The following CNTN3 variants were observed in gnomAD, a reference collection of about 807,000 sequenced individuals.
The protein encoded by CNTN3 is contactin-3.
CNTN3 carries 60 observed loss-of-function variants against 119.1 expected under a neutral mutation model. The observed-to-expected ratio is 0.50, with a 90% CI of 0.41 to 0.62. The LOEUF (loss-of-function observed/expected upper bound fraction) is 0.62. Among genes scored for constraint, CNTN3 ranks in the 20% least tolerant of loss-of-function variants. The pLI is 0.00. For synonymous variants in CNTN3, 450 were observed against 438.7 expected (o/e 1.03, Z -0.32); for missense variants, 1,101 against 1,242.4 (o/e 0.89, Z 1.71).
At chr3:74,338,010 T>G (rs758262276) in intron 11 of CNTN3, among the ~76,000 whole-genome samples, 1 of 152,148 alleles carries the variant, frequency 6.6e-6, no homozygotes, top group African/African-American at 2.4e-5. Context: ...CTCATAATTA[T>G]GTTCTCTTTC....
At chr3:74,551,223 G>A (rs892517211) in intron 1 of CNTN3, among the ~76,000 whole-genome samples, 1 of 152,198 alleles carries the variant, frequency 6.6e-6, no homozygotes, top group African/African-American at 2.4e-5. Flanking sequence ...AGGTGCAGGA[G>A]AGATGCAGGC....
intron 12 of CNTN3, 50 bp from the exon 13 acceptor site, chr3:74,334,960 G>C (rs566623185): frequency 9.7e-6 from 14 of 1,448,608 alleles, no homozygotes; most frequent in Non-Finnish European, 1.3e-5. Flanking sequence ...TGTGATAAAA[G>C]ACATTTGCAC....
At chr3:74,602,080 C>T (rs1272313980) in intron 1 of CNTN3, among the ~76,000 whole-genome samples, 1 of 151,702 alleles carries the variant, frequency 6.6e-6, no homozygotes, top group East Asian at 2.0e-4. Context: ...AGGCTTGAGA[C>T]AGGAGGATCA....
rs1378048967 is a variant in CNTN3, at chr3:74,263,509, CT to C, written c.*891del. The C allele has an allele frequency of 6.6e-6, 1 of 151,448 alleles. No homozygotes were observed. Among genetic ancestry groups the C allele is most frequent in the African/African-American group, 2.4e-5 (1 of 41,216 alleles). 9.4% of individuals were successfully genotyped at this position (151,448 alleles called of 1,614,324 possible). The stretch of plus-strand genomic sequence containing the variant: ...TTCATAGCTGTGAAGGAAACAATTC[CT>C]TTTTTAATTTAAAAAAACTTTTTTT... On this transcript the variant is annotated 3_prime_UTR_variant, in exon 23 of 23. Coordinates refer to ENST00000263665, the MANE Select transcript of CNTN3 (RefSeq NM_020872.3).
chr3:74,485,433 C>A (rs1487376041), intron 4 of CNTN3, among the ~76,000 whole-genome samples: 1 of 151,402 alleles, frequency 6.6e-6, no homozygotes, highest in East Asian at 1.9e-4. Context: ...AAAGAGAAAA[C>A]AAAGGAAAGA....
chr3:74,463,397 A>G (rs181566829), intron 4 of CNTN3, among the ~76,000 whole-genome samples: 12 of 152,266 alleles, frequency 7.9e-5, no homozygotes, highest in Admixed American at 7.9e-4. Flanking sequence ...TGGGTATGTA[A>G]GTAACAGAAT....
At chr3:74,414,606 C>T (rs540809675) in intron 5 of CNTN3, among the ~76,000 whole-genome samples, 1 of 152,266 alleles carries the variant, frequency 6.6e-6, no homozygotes, top group South Asian at 2.1e-4. Context: ...GTGGAATCTA[C>T]ATTTTAAACA....
chr3:74,348,572 C>T (rs1432166848), intron 11 of CNTN3, among the ~76,000 whole-genome samples: 6 of 152,092 alleles, frequency 3.9e-5, no homozygotes, highest in Non-Finnish European at 8.8e-5. Flanking sequence ...AGCCTACACT[C>T]ACCCATGCGG....
At chr3:74,350,094 G>A (rs1271879151) in intron 11 of CNTN3, among the ~76,000 whole-genome samples, 1 of 152,170 alleles carries the variant, frequency 6.6e-6, no homozygotes, top group Admixed American at 6.5e-5. Flanking sequence ...TAGTTGATAT[G>A]ATTTTAGAGA....
chr3:74,344,856 T>C (rs1575740566), intron 11 of CNTN3, among the ~76,000 whole-genome samples: 1 of 142,686 alleles, frequency 7.0e-6, no homozygotes, highest in South Asian at 2.1e-4. Context: ...TGTGTGCACA[T>C]ATGTATACGT....
chr3:74,440,909 T>C (rs1701952766), intron 4 of CNTN3, among the ~76,000 whole-genome samples: 2 of 152,224 alleles, frequency 1.3e-5, no homozygotes, highest in African/African-American at 4.8e-5. Flanking sequence ...CTATGTTATA[T>C]GTAAATACCA....
intron 15 of CNTN3, 41 bp from the exon 16 acceptor site, chr3:74,301,588 A>G (rs752722220): frequency 1.2e-6 from 2 of 1,612,132 alleles, no homozygotes; most frequent in African/African-American, 1.3e-5. Flanking sequence ...TGCCTGCTTT[A>G]GCATTGACTT....
intron 17 of CNTN3, 46 bp from the exon 18 acceptor site, chr3:74,298,237 G>T: frequency 8.2e-7 from 1 of 1,217,934 alleles, no homozygotes; most frequent in Non-Finnish European, 1.1e-6. Context: ...ATAAGGGCAA[G>T]GCAAAAATGA....
chr3:74,557,138 A>T (rs1704081490), intron 1 of CNTN3, among the ~76,000 whole-genome samples: 1 of 152,110 alleles, frequency 6.6e-6, no homozygotes, highest in Admixed American at 6.6e-5. Context: ...CCTAATTTTG[A>T]TGAAAATCTG....
intron 1 of CNTN3, among the ~76,000 whole-genome samples, chr3:74,574,904 T>A (rs2106656997): frequency 6.7e-6 from 1 of 150,312 alleles, no homozygotes; most frequent in East Asian, 2.0e-4. Flanking sequence ...GGAAAGCAAA[T>A]GCTTTTCCCA....
At chr3:74,522,931 C>T (rs1036347036) in intron 1 of CNTN3, among the ~76,000 whole-genome samples, 1 of 151,716 alleles carries the variant, frequency 6.6e-6, no homozygotes, top group African/African-American at 2.4e-5. Flanking sequence ...TTTAACAGCA[C>T]CAGGTCCCAC....
intron 2 of CNTN3, among the ~76,000 whole-genome samples, chr3:74,513,966 C>A (rs886701766): frequency 7.0e-6 from 1 of 142,128 alleles, no homozygotes; most frequent in African/African-American, 2.6e-5. Context: ...ATTTTTTTGA[C>A]TTTTTTTTTT....
intron 16 of CNTN3, among the ~76,000 whole-genome samples, chr3:74,300,450 G>A (rs1203742623): frequency 4.6e-5 from 7 of 152,160 alleles, no homozygotes; most frequent in African/African-American, 1.7e-4. Flanking sequence ...CCATGACACA[G>A]CTAGAATAGA....
At chr3:74,574,865 A>C (rs1249963568) in intron 1 of CNTN3, among the ~76,000 whole-genome samples, 2 of 152,148 alleles carry the variant, frequency 1.3e-5, no homozygotes, top group African/African-American at 4.8e-5. Flanking sequence ...ATGGGATGTT[A>C]GAGAGAGGAC....
Sources: allele counts gnomAD v4.1 joint callset (sites outside exome capture counted in the v4.1 genomes callset), GRCh38; gene constraint gnomAD v4.1.1; transcripts MANE v1.5; gene names NCBI Gene and HGNC (gene_info 2026-07-23, HGNC 2026-07-21).